CEP63: variants seen among roughly 807,000 people sequenced by gnomAD.
The protein encoded by CEP63 is centrosomal protein 63, also known as centrosomal protein of 63 kDa.
CEP63 carries 84 observed loss-of-function variants against 89.1 expected under a neutral mutation model. That is an observed-to-expected ratio of 0.94 (90% confidence interval 0.79 to 1.13). CEP63 has a LOEUF of 1.13. Among genes scored for constraint, CEP63 ranks in the 50% most tolerant of loss-of-function variants. The pLI, the probability that CEP63 is intolerant of heterozygous loss-of-function variation, is 0.00. For missense variants in CEP63, 838 were observed against 813.3 expected, an observed-to-expected ratio of 1.03 and a Z score of -0.37; for synonymous variants, 267 against 272.5, an observed-to-expected ratio of 0.98 and a Z score of 0.20.
At chr3:134,521,614 G>A (rs1171067457) in intron 3 of CEP63, among the ~76,000 whole-genome samples, 1 of 151,954 alleles carries the variant, frequency 6.6e-6, no homozygotes, top group Non-Finnish European at 1.5e-5. Flanking sequence ...CTGTTTACAT[G>A]CATAATTTTT....
At chr3:134,711,461 G>A in the CEP63 span, among the ~76,000 whole-genome samples, 1 of 152,120 alleles carries the variant, frequency 6.6e-6, no homozygotes, top group African/African-American at 2.4e-5. Flanking sequence ...TCTCTTCACT[G>A]TGGTTACAAG....
downstream of CEP63, among the ~76,000 whole-genome samples, chr3:134,565,917 C>G (rs1020009453): frequency 6.6e-6 from 1 of 152,110 alleles, no homozygotes; most frequent in Admixed American, 6.5e-5. Context: ...CACAGCTCCC[C>G]CCACAGTATG....
At chr3:134,618,217 G>A in the CEP63 span, among the ~76,000 whole-genome samples, 2 of 152,128 alleles carry the variant, frequency 1.3e-5, no homozygotes, top group East Asian at 3.9e-4. Context: ...GGGGGTTTGG[G>A]CCAGGAATAG....
At chr3:134,646,984 T>C in the CEP63 span, among the ~76,000 whole-genome samples, 5 of 152,324 alleles carry the variant, frequency 3.3e-5, no homozygotes, top group East Asian at 9.6e-4. Context: ...CTTCTTATTG[T>C]ATTTTGGGTC....
At chr3:134,543,188 T>TA (rs1952411757) in intron 6 of CEP63, among the ~76,000 whole-genome samples, 1 of 152,206 alleles carries the variant, frequency 6.6e-6, no homozygotes, top group Non-Finnish European at 1.5e-5. Context: ...TTCAACTCAA[T>TA]ATGTCAGAAA....
At chr3:134,779,671 A>G in the CEP63 span, 1 of 152,340 alleles carries the variant, frequency 6.6e-6, no homozygotes, top group South Asian at 2.1e-4. Context: ...CTATTCTGCT[A>G]TGTCAGGATC....
chr3:134,523,964 T>C (rs1948072198), intron 3 of CEP63, among the ~76,000 whole-genome samples: 1 of 152,234 alleles, frequency 6.6e-6, no homozygotes, highest in Admixed American at 6.5e-5. Flanking sequence ...GTGTTGAATC[T>C]ATAAATTGCT....
the CEP63 span, among the ~76,000 whole-genome samples, chr3:134,707,013 C>T: frequency 6.6e-6 from 1 of 152,176 alleles, no homozygotes; most frequent in Admixed American, 6.5e-5. Flanking sequence ...GTTTTATCTG[C>T]AAAAACCCTA....
chr3:134,536,544 T>C, intron 5 of CEP63: 1 of 158,226 alleles, frequency 6.3e-6, no homozygotes, highest in Admixed American at 6.0e-5. Context: ...TGTTTGGCTT[T>C]GGGTTACAAA....
the CEP63 span, among the ~76,000 whole-genome samples, chr3:134,602,535 G>C: frequency 1.3e-5 from 2 of 152,184 alleles, no homozygotes; most frequent in East Asian, 1.9e-4. Flanking sequence ...AGAGACACTG[G>C]GGGCAGGCAG....
the CEP63 span, among the ~76,000 whole-genome samples, chr3:134,701,334 A>G: frequency 5.1e-3 from 32 of 6,312 alleles, 2 homozygotes; most frequent in South Asian, 0.016. Flanking sequence ...ACATATACAC[A>G]CACATATACG....
At chr3:134,748,307 G>T in the CEP63 span, among the ~76,000 whole-genome samples, 1 of 152,070 alleles carries the variant, frequency 6.6e-6, no homozygotes, top group Non-Finnish European at 1.5e-5. Flanking sequence ...CTTGTCTCAG[G>T]CTCTGCTTTC....
At chr3:134,517,341 G>A (rs925076636) in intron 3 of CEP63, among the ~76,000 whole-genome samples, 3 of 152,276 alleles carry the variant, frequency 2.0e-5, no homozygotes, top group Non-Finnish European at 4.4e-5. Context: ...TATGTGAAAA[G>A]TGACAGAACT....
At chr3:134,749,736 G>GAAAAAAAAAAA in the CEP63 span, among the ~76,000 whole-genome samples, 16 of 55,768 alleles carry the variant, frequency 2.9e-4, no homozygotes, top group South Asian at 7.2e-4. Context: ...AAAAAAAAAG[G>GAAAAAAAAAAA]AAAATGATGC....
the CEP63 span, among the ~76,000 whole-genome samples, chr3:134,760,082 G>T: frequency 7.8e-6 from 1 of 127,464 alleles, no homozygotes; most frequent in Admixed American, 8.3e-5. Context: ...TTTTTGAGAC[G>T]GAGTCTCGCT....
chr3:134,488,994 A>G (rs542259125), intron 1 of CEP63, among the ~76,000 whole-genome samples: 4 of 152,106 alleles, frequency 2.6e-5, no homozygotes, highest in South Asian at 4.2e-4. Context: ...CGTCTCTACT[A>G]AAAATGAAAA....
intron 5 of CEP63, chr3:134,536,345 A>C (rs1033753387): frequency 1.3e-5 from 2 of 152,534 alleles, no homozygotes; most frequent in African/African-American, 4.8e-5. Flanking sequence ...GAATGAATGA[A>C]TATCAGAAAT....
chr3:134,725,662 G>A, the CEP63 span, among the ~76,000 whole-genome samples: 1 of 152,236 alleles, frequency 6.6e-6, no homozygotes, highest in Non-Finnish European at 1.5e-5. Context: ...GTTACTTGGT[G>A]AAAATTAACT....
At chr3:134,766,334 G>A in the CEP63 span, among the ~76,000 whole-genome samples, 1 of 152,154 alleles carries the variant, frequency 6.6e-6, no homozygotes, top group Admixed American at 6.5e-5. Context: ...CTTTTTCTGT[G>A]CCCAGTTCTG....
Sources: gnomAD v4.1 joint callset for allele counts (sites outside exome capture counted in the v4.1 genomes callset) on GRCh38, gnomAD v4.1.1 for gene constraint, MANE v1.5 for transcripts, NCBI Gene and HGNC (gene_info 2026-07-23, HGNC 2026-07-21) for gene names.